FRMD6: variants seen among roughly 807,000 people sequenced by gnomAD.
The protein encoded by FRMD6 is FERM domain containing 6.
A neutral mutation model predicts 73.2 loss-of-function variants in FRMD6; 37 were observed. The ratio of observed to expected loss-of-function variants is 0.51; its 90% confidence interval spans 0.39 to 0.66. The LOEUF (loss-of-function observed/expected upper bound fraction) is 0.66, where lower values mean the gene tolerates loss of function less well. Ranked by LOEUF, FRMD6 falls within the 30% of genes least tolerant of loss-of-function variation. FRMD6 has a pLI of 0.00. For missense variants in FRMD6, 714 were observed against 780.5 expected (o/e 0.91, Z 1.02); for synonymous variants, 273 against 282.2 (o/e 0.97, Z 0.33).
the FRMD6 span, among the ~76,000 whole-genome samples, chr14:51,444,718 G>T: frequency 6.6e-6 from 1 of 152,144 alleles, no homozygotes; most frequent in Non-Finnish European, 1.5e-5. Context: ...TACCCTTAGA[G>T]TTTTATTCTT....
chr14:51,708,039 C>T (rs766474616), intron 6 of FRMD6, 39 bp from the exon 7 acceptor site: 21 of 1,602,466 alleles, frequency 1.3e-5, no homozygotes, highest in Non-Finnish European at 1.7e-5. Flanking sequence ...TACATCTCTC[C>T]AACAAATGTT....
the FRMD6 span, among the ~76,000 whole-genome samples, chr14:51,483,248 G>A: frequency 2.0e-5 from 3 of 152,124 alleles, no homozygotes; most frequent in African/African-American, 4.8e-5. Flanking sequence ...TCTGAAAAGC[G>A]GAGATGCAAT....
chr14:51,644,387 A>ACACACACACACTCTCT (rs1489278384), intron 2 of FRMD6, among the ~76,000 whole-genome samples: 1 of 114,948 alleles, frequency 8.7e-6, no homozygotes, highest in Admixed American at 9.1e-5. Flanking sequence ...ACACACACAC[A>ACACACACACACTCTCT]CTCACTCACT....
intron 2 of FRMD6, among the ~76,000 whole-genome samples, chr14:51,612,153 G>C (rs1009345243): frequency 3.9e-5 from 6 of 152,058 alleles, no homozygotes; most frequent in African/African-American, 1.4e-4. Flanking sequence ...AAATAATATA[G>C]TGCATTTAAT....
At chr14:51,462,334 A>T in the FRMD6 span, among the ~76,000 whole-genome samples, 1 of 152,170 alleles carries the variant, frequency 6.6e-6, no homozygotes, top group Non-Finnish European at 1.5e-5. Context: ...AATACAAATG[A>T]GTGGATGTAT....
chr14:51,555,971 G>C (rs1457046946), intron 1 of FRMD6, among the ~76,000 whole-genome samples: 1 of 152,144 alleles, frequency 6.6e-6, no homozygotes, highest in Non-Finnish European at 1.5e-5. Context: ...ATATGCAGAG[G>C]CACTTTATAA....
At chr14:51,655,164 C>A (rs1892730009) in intron 1 of FRMD6, among the ~76,000 whole-genome samples, 1 of 152,116 alleles carries the variant, frequency 6.6e-6, no homozygotes, top group African/African-American at 2.4e-5. Flanking sequence ...CTACCTCCTC[C>A]CCACCCCCAA....
intron 1 of FRMD6, among the ~76,000 whole-genome samples, chr14:51,535,853 C>T (rs950403511): frequency 5.3e-5 from 8 of 151,984 alleles, no homozygotes; most frequent in Non-Finnish European, 8.8e-5. Flanking sequence ...CTTGTCTACA[C>T]TTATTATTGT....
intron 5 of FRMD6, among the ~76,000 whole-genome samples, chr14:51,703,715 C>G (rs1445530315): frequency 6.6e-6 from 1 of 152,042 alleles, no homozygotes; most frequent in Non-Finnish European, 1.5e-5. Context: ...GAAAAGTACT[C>G]TGTCCTAAGG....
At chr14:51,606,821 G>A (rs1324694399) in intron 2 of FRMD6, among the ~76,000 whole-genome samples, 1 of 152,130 alleles carries the variant, frequency 6.6e-6, no homozygotes, top group Non-Finnish European at 1.5e-5. Context: ...CAAGTCCTAA[G>A]GCCTCAGAAC....
At chr14:51,505,590 A>T (rs1883913570) in intron 1 of FRMD6, among the ~76,000 whole-genome samples, 1 of 152,188 alleles carries the variant, frequency 6.6e-6, no homozygotes, top group African/African-American at 2.4e-5. Context: ...CTGTATTCAC[A>T]GTCCCAGATT....
intron 1 of FRMD6, among the ~76,000 whole-genome samples, chr14:51,550,245 T>A (rs926732291): frequency 2.6e-5 from 4 of 151,144 alleles, no homozygotes; most frequent in African/African-American, 9.7e-5. Flanking sequence ...TTTATTTTTT[T>A]AATTTTTTGT....
chr14:51,498,605 G>A (rs536843824), intron 1 of FRMD6, among the ~76,000 whole-genome samples: 1 of 152,290 alleles, frequency 6.6e-6, no homozygotes, highest in East Asian at 1.9e-4. Flanking sequence ...GGACAGCTGG[G>A]CCTCTCTCTG....
intron 1 of FRMD6, among the ~76,000 whole-genome samples, chr14:51,509,150 A>G (rs1370611020): frequency 2.0e-5 from 3 of 152,196 alleles, no homozygotes; most frequent in East Asian, 1.9e-4. Flanking sequence ...AGAAAAATCA[A>G]TCTTGATACT....
At chr14:51,610,050 G>A (rs775741089) in intron 2 of FRMD6, among the ~76,000 whole-genome samples, 4 of 152,064 alleles carry the variant, frequency 2.6e-5, no homozygotes, top group Non-Finnish European at 5.9e-5. Context: ...CAAGCATCAC[G>A]TGCCTGCAGT....
intron 1 of FRMD6, among the ~76,000 whole-genome samples, chr14:51,660,198 C>T (rs1479315374): frequency 6.6e-6 from 1 of 152,206 alleles, no homozygotes; most frequent in African/African-American, 2.4e-5. Flanking sequence ...GTATTCAGGA[C>T]TGTGCTGAAT....
At chr14:51,464,847 G>A in the FRMD6 span, among the ~76,000 whole-genome samples, 176 of 152,260 alleles carry the variant, frequency 1.2e-3, no homozygotes, top group Non-Finnish European at 1.9e-3. Context: ...TGAAGCAGGG[G>A]GCTGGAGGGT....
chr14:51,500,842 C>T (rs746086274), intron 1 of FRMD6, among the ~76,000 whole-genome samples: 10 of 152,080 alleles, frequency 6.6e-5, no homozygotes, highest in Admixed American at 3.9e-4. Flanking sequence ...GAAGCCCATA[C>T]GGTGAGCAGT....
intron 1 of FRMD6, among the ~76,000 whole-genome samples, chr14:51,518,284 G>C (rs1194308582): frequency 6.6e-6 from 1 of 152,132 alleles, no homozygotes; most frequent in Non-Finnish European, 1.5e-5. Flanking sequence ...ATATTATTTA[G>C]AAATCAAGGA....
Sources: allele counts gnomAD v4.1 joint callset (sites outside exome capture counted in the v4.1 genomes callset), GRCh38; gene constraint gnomAD v4.1.1; transcripts MANE v1.5; gene names NCBI Gene and HGNC (gene_info 2026-07-23, HGNC 2026-07-21).